The following PAK2 variants were observed in gnomAD, a reference collection of about 807,000 sequenced individuals.
PAK2 encodes the protein p21 (RAC1) activated kinase 2.
PAK2 carries 21 observed loss-of-function variants against 65.9 expected under a neutral mutation model. That is an observed-to-expected ratio of 0.32 (90% CI 0.23 to 0.46). The LOEUF (loss-of-function observed/expected upper bound fraction) is 0.46. Ranked by LOEUF, PAK2 falls within the 20% of genes least tolerant of loss-of-function variation. The probability of loss-of-function intolerance (pLI) is 1.00; values close to 1 mark genes in which losing one functional copy is unlikely to be tolerated. For synonymous variants in PAK2, 204 were observed against 219.7 expected, an observed-to-expected ratio of 0.93 and a Z score of 0.63; for missense variants, 324 against 642.6, an observed-to-expected ratio of 0.50 and a Z score of 5.36.
intron 2 of PAK2, among the ~76,000 whole-genome samples, chr3:196,793,391 T>C (rs1022077851): frequency 6.6e-6 from 1 of 152,086 alleles, no homozygotes; most frequent in African/African-American, 2.4e-5. Context: ...GATTGGAAGA[T>C]TTTTCTCTGG....
chr3:196,798,945 G>C (rs1715339175), intron 2 of PAK2, among the ~76,000 whole-genome samples: 1 of 152,072 alleles, frequency 6.6e-6, no homozygotes, highest in South Asian at 2.1e-4. Flanking sequence ...TAAACTTAAG[G>C]GTAAAAAGAA....
At chr3:196,824,962 T>C (rs1711783376) in intron 13 of PAK2, among the ~76,000 whole-genome samples, 1 of 152,140 alleles carries the variant, frequency 6.6e-6, no homozygotes, top group Non-Finnish European at 1.5e-5. Flanking sequence ...ATAATAAAAC[T>C]CCACATTGGG....
intron 7 of PAK2, 131 bp from the exon 8 acceptor site, chr3:196,810,459 T>C (rs1715738980): frequency 6.0e-6 from 4 of 662,684 alleles, no homozygotes; most frequent in Non-Finnish European, 5.4e-6. Flanking sequence ...AAACCTGTTA[T>C]TTTTGGAACT....
intron 2 of PAK2, among the ~76,000 whole-genome samples, chr3:196,792,305 G>T (rs563102324): frequency 6.6e-6 from 1 of 152,302 alleles, no homozygotes; most frequent in Admixed American, 6.5e-5. Context: ...TGTATGTAGG[G>T]TATTCCGTTA....
chr3:196,765,993 G>C (rs567076506), intron 1 of PAK2, among the ~76,000 whole-genome samples: 2 of 151,296 alleles, frequency 1.3e-5, no homozygotes, highest in African/African-American at 4.9e-5. Flanking sequence ...TCCACCTCCC[G>C]GGGTCAAGCG....
intron 2 of PAK2, among the ~76,000 whole-genome samples, chr3:196,793,712 CAAGA>C (rs1715152044): frequency 6.6e-6 from 1 of 152,050 alleles, no homozygotes; most frequent in African/African-American, 2.4e-5. Flanking sequence ...ATCCATGAAA[CAAGA>C]AAAGAGTTCG....
chr3:196,783,876 CTTG>C (rs1302227159), intron 2 of PAK2, among the ~76,000 whole-genome samples: 2 of 152,150 alleles, frequency 1.3e-5, no homozygotes, highest in Non-Finnish European at 2.9e-5. Flanking sequence ...GCTTTTGAGA[CTTG>C]TTGATGTATG....
chr3:196,753,045 G>A (rs567830479), intron 1 of PAK2, among the ~76,000 whole-genome samples: 8 of 149,152 alleles, frequency 5.4e-5, no homozygotes, highest in Admixed American at 4.0e-4. Flanking sequence ...CAGTGGTGCC[G>A]ATGGCTCACT....
chr3:196,777,012 A>G (rs1714558129), intron 1 of PAK2, among the ~76,000 whole-genome samples: 1 of 152,228 alleles, frequency 6.6e-6, no homozygotes, highest in Non-Finnish European at 1.5e-5. Context: ...TGAATGCAGA[A>G]GCAGATCTGA....
intron 1 of PAK2, among the ~76,000 whole-genome samples, chr3:196,748,950 C>T (rs939925321): frequency 6.6e-6 from 1 of 152,160 alleles, no homozygotes; most frequent in African/African-American, 2.4e-5. Flanking sequence ...ACTCCTCATT[C>T]TCCTTTCTGT....
chr3:196,756,014 A>C (rs1040054604), intron 1 of PAK2, among the ~76,000 whole-genome samples: 1 of 152,086 alleles, frequency 6.6e-6, no homozygotes, highest in Non-Finnish European at 1.5e-5. Context: ...TTGGCCTCCC[A>C]AAGTGCAGGG....
At chr3:196,745,865 G>GTA (rs1007742825) in intron 1 of PAK2, among the ~76,000 whole-genome samples, 1 of 151,004 alleles carries the variant, frequency 6.6e-6, no homozygotes, top group Non-Finnish European at 1.5e-5. Flanking sequence ...CTGTTCATTG[G>GTA]TATTTTTATT....
chr3:196,783,941 C>T lies in PAK2; in HGVS notation c.187+1108C>T, dbSNP rs960312712. Among the ~76,000 whole-genome samples the T allele has an allele frequency of 1.1e-4, 17 of 152,292 alleles. No homozygotes were observed. The South Asian group carries it at 1.9e-3, about 17-fold the overall frequency. On this transcript the variant is annotated intron_variant, in intron 2 of 14. Coordinates refer to ENST00000327134, the MANE Select transcript of PAK2 (RefSeq NM_002577.4). Reference sequence around the variant, plus strand: ...TGTGTATTGCTACACTGTAAATATACTGCAGTTTATTTGGCCAGTCTCCTA... The same window carrying T: ...TGTGTATTGCTACACTGTAAATATATTGCAGTTTATTTGGCCAGTCTCCTA...
At chr3:196,794,775 C>G (rs1715194550) in intron 2 of PAK2, among the ~76,000 whole-genome samples, 1 of 152,066 alleles carries the variant, frequency 6.6e-6, no homozygotes, top group African/African-American at 2.4e-5. Flanking sequence ...TCCACAGGAC[C>G]CTTGGCAGGA....
chr3:196,828,285 C>G (rs768680365), intron 14 of PAK2, 34 bp from the exon 15 acceptor site: 2 of 1,272,032 alleles, frequency 1.6e-6, no homozygotes, highest in East Asian at 4.6e-5. Context: ...ATGAATGGCA[C>G]TTATACATTT....
intron 13 of PAK2, among the ~76,000 whole-genome samples, chr3:196,823,803 T>G: frequency 6.8e-6 from 1 of 146,102 alleles, no homozygotes; most frequent in African/African-American, 2.5e-5. Flanking sequence ...CAGGGAGAGA[T>G]TCTGTCGCAA....
intron 1 of PAK2, among the ~76,000 whole-genome samples, chr3:196,751,269 C>T (rs1262021600): frequency 3.9e-5 from 6 of 152,138 alleles, no homozygotes; most frequent in East Asian, 1.9e-4. Flanking sequence ...CAAATTCCAG[C>T]ACTTTCTGAG....
At chr3:196,761,785 G>T (rs1713976360) in intron 1 of PAK2, among the ~76,000 whole-genome samples, 1 of 148,530 alleles carries the variant, frequency 6.7e-6, no homozygotes, top group Non-Finnish European at 1.5e-5. Context: ...CGGGCGGGGG[G>T]CTGACCCCCA....
At chr3:196,744,728 AG>A (rs1713316345) in intron 1 of PAK2, among the ~76,000 whole-genome samples, 1 of 152,182 alleles carries the variant, frequency 6.6e-6, no homozygotes. Context: ...CATGACATAT[AG>A]TGGCACCTCT....
Sources: gnomAD v4.1 joint callset for allele counts (sites outside exome capture counted in the v4.1 genomes callset) on GRCh38, gnomAD v4.1.1 for gene constraint, MANE v1.5 for transcripts, NCBI Gene and HGNC (gene_info 2026-07-23, HGNC 2026-07-21) for gene names.